The following MCF2L2 variants were observed in gnomAD, a reference collection of about 807,000 sequenced individuals.
The protein encoded by MCF2L2 is MCF.2 cell line derived transforming sequence-like 2, also known as probable guanine nucleotide exchange factor MCF2L2.
Under a neutral mutation model 150.2 loss-of-function variants are expected in MCF2L2, and 102 were observed. That is an observed-to-expected ratio of 0.68 (90% confidence interval 0.58 to 0.80). The LOEUF (loss-of-function observed/expected upper bound fraction) is 0.80, where lower values mean the gene tolerates loss of function less well. Ranked by LOEUF, MCF2L2 falls within the 30% of genes least tolerant of loss-of-function variation. MCF2L2 has a pLI of 0.00. For missense variants in MCF2L2, 1,256 were observed against 1,372.8 expected (o/e 0.91, Z 1.34); for synonymous variants, 465 against 491.3 (o/e 0.95, Z 0.71).
At chr3:183,420,941 T>A (rs73186909) in intron 1 of MCF2L2, among the ~76,000 whole-genome samples, 5 of 152,182 alleles carry the variant, frequency 3.3e-5, no homozygotes, top group African/African-American at 1.2e-4. Context: ...GACACAGAGC[T>A]AAACTATATC....
rs1477609518 is a variant in MCF2L2 at position 183,180,258 on chromosome 3, G to A, written c.3017-99C>T. 1.2e-4 allele frequency: 88 copies of A among 763,706 alleles called. No individual in the cohort carries two copies. The Admixed American group carries it at 1.8e-3, about 15-fold the overall frequency. 47.3% of individuals were successfully genotyped at this position (763,706 alleles called of 1,614,324 possible). A position where few individuals can be genotyped will look rare whatever the true frequency, so the allele number is the denominator to read the frequency against. ...GCAGGCAGTGCCTGTTGCAGGCACG[G>A]TCCTCCCCATCTCTAACTCCTGCTC... On this transcript the variant is annotated intron_variant, in intron 27 of 29. Transcript: ENST00000328913.
chr3:183,417,459 C>T (rs2314383), intron 1 of MCF2L2, among the ~76,000 whole-genome samples: 72,420 of 152,022 alleles, frequency 0.48, 18,403 homozygotes, highest in African/African-American at 0.66. Context: ...AATTGCTTTT[C>T]AAATCAGTTA....
chr3:183,258,921 T>C (rs1725330970), intron 15 of MCF2L2, among the ~76,000 whole-genome samples: 1 of 152,172 alleles, frequency 6.6e-6, no homozygotes, highest in Non-Finnish European at 1.5e-5. Context: ...AGATTACTTA[T>C]AATAACTAAT....
intron 15 of MCF2L2, among the ~76,000 whole-genome samples, chr3:183,234,533 C>T (rs548635212): frequency 1.3e-5 from 2 of 152,258 alleles, no homozygotes; most frequent in African/African-American, 4.8e-5. Context: ...AGGAACTCCA[C>T]TGAAGAATGT....
chr3:183,207,394 C>A (rs1722532314), intron 23 of MCF2L2, among the ~76,000 whole-genome samples: 1 of 152,092 alleles, frequency 6.6e-6, no homozygotes, highest in South Asian at 2.1e-4. Flanking sequence ...AGTCTTTTTT[C>A]TCTAGTACAA....
intron 21 of MCF2L2, among the ~76,000 whole-genome samples, chr3:183,219,507 A>C (rs1156661325): frequency 1.3e-5 from 2 of 152,002 alleles, no homozygotes; most frequent in African/African-American, 4.8e-5. Context: ...GCTACTTGGG[A>C]GGCTGAGGCA....
At chr3:183,336,855 C>CA (rs566104436) in intron 5 of MCF2L2, among the ~76,000 whole-genome samples, 2,217 of 132,230 alleles carry the variant, frequency 0.017, 34 homozygotes, top group African/African-American at 0.033. Flanking sequence ...AACTCCATCT[C>CA]AAAAAAAAAA....
chr3:183,285,282 G>A (rs1294504081), intron 14 of MCF2L2, among the ~76,000 whole-genome samples: 2 of 152,324 alleles, frequency 1.3e-5, no homozygotes, highest in East Asian at 3.9e-4. Flanking sequence ...AAATTGCTAT[G>A]ATTTATCACC....
chr3:183,299,022 G>A (rs925278353), intron 11 of MCF2L2: 4 of 152,324 alleles, frequency 2.6e-5, no homozygotes, highest in African/African-American at 9.6e-5. Context: ...GGAGCATGCT[G>A]ACTCATTGCC....
chr3:183,315,152 G>A lies in MCF2L2; in HGVS notation c.753+2916C>T, dbSNP rs186359632. 4.8e-3 allele frequency among the ~76,000 whole-genome samples: 729 copies of A among 151,066 alleles called. 4 individuals carry two copies. Among genetic ancestry groups the A allele is most frequent in the African/African-American group, 0.017 (698 of 41,092 alleles). On this transcript the variant is annotated intron_variant, in intron 7 of 29. Transcript: ENST00000328913. ...GGGTTTCACCATGTTGGCCAGGCTCGTCTCGAACTCCTGACCTCAGGTGAT... is the reference window on the plus strand; with the variant it reads ...GGGTTTCACCATGTTGGCCAGGCTCATCTCGAACTCCTGACCTCAGGTGAT...
At chr3:183,295,165 T>G (rs1728422159) in intron 13 of MCF2L2, 135 bp downstream of exon 13, 1 of 854,218 alleles carries the variant, frequency 1.2e-6, no homozygotes, top group Non-Finnish European at 1.8e-6. Context: ...GTCTGCACTA[T>G]GCTATATCTG....
chr3:183,278,015 T>C (rs1727258364), intron 14 of MCF2L2, among the ~76,000 whole-genome samples: 1 of 149,612 alleles, frequency 6.7e-6, no homozygotes, highest in Admixed American at 6.6e-5. Context: ...TGAAACCCCA[T>C]CTCTACTAAA....
At chr3:183,354,519 T>C (rs532744932) in intron 3 of MCF2L2, among the ~76,000 whole-genome samples, 57 of 145,150 alleles carry the variant, frequency 3.9e-4, no homozygotes, top group African/African-American at 1.4e-3. Flanking sequence ...CCAGCATTTC[T>C]TTCTGCTGAC....
In MCF2L2 at chr3:183,297,066, C is replaced by T. The variant is rs183449631; in HGVS notation, c.1407G>A (p.Ala469=). 105 of 1,614,144 alleles carry T rather than the reference C, an allele frequency of 6.5e-5. No homozygotes were observed. Among genetic ancestry groups the T allele is most frequent in the African/African-American group, 8.0e-5 (6 of 75,032 alleles). Residue 469 remains alanine, a synonymous_variant, in exon 12 of 30, where the codon GCG becomes GCA. Transcript: ENST00000328913. ...EGVDIALNDI[A]TFLGTVKEYP... is the part of the protein sequence containing the mutation. ...ACTCCTTGACTGTGCCCAGGAATGT[C>T]GCAATGTCGTTCAAGGCGATATCAA...
At chr3:183,322,123 T>C (rs371372713) in intron 6 of MCF2L2, among the ~76,000 whole-genome samples, 1 of 152,368 alleles carries the variant, frequency 6.6e-6, no homozygotes, top group South Asian at 2.1e-4. Context: ...GGTTCCAACA[T>C]GTGAATTTTG....
rs772839525 is a variant in MCF2L2 at position 183,207,800 on chromosome 3, CTT to C, written c.2518_2519del (p.Lys840AlafsTer18). The C allele has an allele frequency of 6.2e-7, 1 of 1,614,134 alleles. No individual in the cohort carries two copies. The highest frequency in any genetic ancestry group is 8.5e-7 in the Non-Finnish European group (1 of 1,179,974). On this transcript the variant is annotated frameshift_variant, in exon 23 of 30. Coordinates refer to ENST00000328913, the MANE Select transcript of MCF2L2 (RefSeq NM_015078.4). LOFTEE classifies it high-confidence loss of function. ...ECPDDIGKLG[K>X]LLLHGPFSVW... is the part of the protein sequence containing the mutation. ...CGCTGAAAGGGCCGTGCAGCAACAG[CTT>C]GCCTAGTTTTCCAATATCGTCCTTT...
At chr3:183,278,220 A>T (rs969777505) in intron 14 of MCF2L2, among the ~76,000 whole-genome samples, 4 of 148,758 alleles carry the variant, frequency 2.7e-5, no homozygotes, top group African/African-American at 1.0e-4. Context: ...ATTTTTTATT[A>T]TATTGTTTAT....
intron 3 of MCF2L2, among the ~76,000 whole-genome samples, chr3:183,351,880 A>G (rs1711512661): frequency 1.3e-5 from 2 of 152,326 alleles, no homozygotes; most frequent in South Asian, 4.1e-4. Flanking sequence ...GGTGGGGGCT[A>G]ACAGAAGCTC....
intron 14 of MCF2L2, among the ~76,000 whole-genome samples, chr3:183,281,893 CTTTTT>C (rs397876715): frequency 2.5e-5 from 3 of 121,440 alleles, no homozygotes; most frequent in Admixed American, 8.4e-5. Flanking sequence ...TTCACAGGGT[CTTTTT>C]TTTTTTTTTT....
Sources: allele counts gnomAD v4.1 joint callset (sites outside exome capture counted in the v4.1 genomes callset), GRCh38; gene constraint gnomAD v4.1.1; transcripts MANE v1.5; gene names NCBI Gene and HGNC (gene_info 2026-07-23, HGNC 2026-07-21).